Variants in ARHGAP9 observed in about 807,000 individuals in gnomAD.
ARHGAP9 encodes the protein Rho GTPase activating protein 9.
In ARHGAP9, 76 loss-of-function variants were observed where a neutral mutation model predicts 87.3. The ratio of observed to expected loss-of-function variants is 0.87; its 90% CI spans 0.72 to 1.05. ARHGAP9 has a LOEUF of 1.05. ARHGAP9 is among the 50% of genes least tolerant of loss of function. The probability of loss-of-function intolerance (pLI) is 0.00; values close to 1 mark genes in which losing one functional copy is unlikely to be tolerated. For missense variants in ARHGAP9, 941 were observed against 960.5 expected, an observed-to-expected ratio of 0.98 and a Z score of 0.27; for synonymous variants, 382 against 394.9, an observed-to-expected ratio of 0.97 and a Z score of 0.39.
chr12:57,477,458 C>A lies in ARHGAP9; in HGVS notation c.756+1G>T, dbSNP rs374352087. 1 of 1,613,920 alleles carries A rather than the reference C, an allele frequency of 6.2e-7. No individual in the cohort carries two copies. The highest frequency in any genetic ancestry group is 1.1e-5 in the South Asian group (1 of 91,050). ...TGGAGAAGCAGGAGGTAAGGTCTCA[C>A]CGTCTCGCTGCGACTGCGGCGCGGG... On this transcript the variant is annotated splice_donor_variant, in intron 4 of 17. Transcript: ENST00000393791. LOFTEE classifies it high-confidence loss of function.
At chr12:57,485,216 G>A (rs1875309363) in intron 1 of ARHGAP9, among the ~76,000 whole-genome samples, 1 of 151,852 alleles carries the variant, frequency 6.6e-6, no homozygotes. Context: ...CAAAGTGCTA[G>A]GATTACAGGC....
chr12:57,478,388 C>T (rs1364311070), intron 3 of ARHGAP9, 152 bp downstream of exon 3: 1 of 773,776 alleles, frequency 1.3e-6, no homozygotes, highest in Non-Finnish European at 2.0e-6. Context: ...CTCTCCACCA[C>T]ATTAACTTGC....
intron 2 of ARHGAP9, 43 bp downstream of exon 2, chr12:57,479,048 G>C (rs758690985): frequency 6.3e-7 from 1 of 1,592,130 alleles, no homozygotes; most frequent in South Asian, 1.1e-5. Context: ...GGAAGGTGAT[G>C]GGAGGTAGGA....
At position 57,479,170 on chromosome 12, in the gene ARHGAP9, T is replaced by C. The variant is rs779537016; in HGVS notation, c.237A>G (p.Pro79=). 2.8e-5 allele frequency: 45 copies of C among 1,614,114 alleles called. No homozygotes were observed. In the Middle Eastern group the frequency reaches 1.3e-3, roughly 47 times the overall value. The change falls in exon 2 of 18, where the codon CCA becomes CCG. Residue 79 remains proline (P), a synonymous_variant. Coordinates refer to ENST00000393791, the MANE Select transcript of ARHGAP9 (RefSeq NM_032496.4). ...TGGATTCCTCTATCATATAGGCTGC[T>C]GGGACGAAGATGGGTCGAGAGGTGG... ...APSTSRPIFV[P]AAYMIEESIP...
upstream of ARHGAP9, chr12:57,479,917 T>C: frequency 6.9e-7 from 1 of 1,442,938 alleles, no homozygotes. Flanking sequence ...AGCATCAATG[T>C]TTCCGTTACC....
intron 1 of ARHGAP9, chr12:57,488,543 C>T: frequency 6.5e-7 from 1 of 1,540,974 alleles, no homozygotes; most frequent in Non-Finnish European, 8.8e-7. Context: ...AGCCCCCAGG[C>T]ACCCTTTTGT....
chr12:57,474,514 T>C lies in ARHGAP9; in HGVS notation c.1730-38A>G, dbSNP rs78680590. Reference sequence around the variant, plus strand: ...TGAGGAGAGATCAGGAGCTAAGACATACACTTCCAGCCTGACGGCCTCTCT... The same window carrying C: ...TGAGGAGAGATCAGGAGCTAAGACACACACTTCCAGCCTGACGGCCTCTCT... On this transcript the variant is annotated intron_variant, in intron 14 of 17. Transcript: ENST00000393791. The C allele has an allele frequency of 8.1e-3, 13,092 of 1,613,822 alleles. 823 individuals are homozygous for C. The African/African-American group carries it at 0.15, about 18-fold the overall frequency.
rs1359540646 is a variant in ARHGAP9, at chr12:57,476,863, A to C, written c.963+8T>G. ...ATCTTGGCCTTCACAAAGAAATGGG[A>C]GATTCACATGGGGGTCGTCCAGGAG... On this transcript the variant is annotated splice_region_variant and intron_variant, in intron 6 of 17. Transcript: ENST00000393791. 5.0e-6 allele frequency: 8 copies of C among 1,612,228 alleles called. No homozygotes were observed. The highest frequency in any genetic ancestry group is 6.8e-6 in the Non-Finnish European group (8 of 1,178,886).
intron 1 of ARHGAP9, among the ~76,000 whole-genome samples, chr12:57,485,016 G>A (rs1364189203): frequency 6.6e-6 from 1 of 151,452 alleles, no homozygotes; most frequent in African/African-American, 2.4e-5. Context: ...CACGATCTCA[G>A]CTCACTGCAA....
At chr12:57,479,048 G>T (rs758690985) in intron 2 of ARHGAP9, 43 bp downstream of exon 2, 6 of 1,592,010 alleles carry the variant, frequency 3.8e-6, no homozygotes, top group Non-Finnish European at 4.3e-6. Flanking sequence ...GGAAGGTGAT[G>T]GGAGGTAGGA....
At position 57,479,773 on chromosome 12, in the gene ARHGAP9, G is replaced by GGGTAGTGGT; in HGVS notation, c.-71_-63dup. On this transcript the variant is annotated 5_prime_UTR_variant, in exon 1 of 18. Transcript: ENST00000393791. The stretch of plus-strand genomic sequence containing the variant: ...AGATTCAGGAGCAGGAGTTGGTCCT[G>GGGTAGTGGT]GGTAGTGGTGGGAGTCTTGAGGTGG... 6.5e-7 allele frequency: 1 copy of GGGTAGTGGT among 1,550,182 alleles called. No homozygotes were observed. Among genetic ancestry groups the GGGTAGTGGT allele is most frequent in the Non-Finnish European group, 8.7e-7 (1 of 1,146,776 alleles).
intron 10 of ARHGAP9, 68 bp downstream of exon 10, chr12:57,475,765 A>G (rs1335836980): frequency 4.4e-6 from 7 of 1,579,132 alleles, no homozygotes; most frequent in South Asian, 3.4e-5. Flanking sequence ...CCTGACTCCT[A>G]TCGTTCCTAC....
At chr12:57,475,024 G>A in intron 12 of ARHGAP9, 51 bp from the exon 13 acceptor site, 3 of 1,560,096 alleles carry the variant, frequency 1.9e-6, no homozygotes, top group Non-Finnish European at 2.6e-6. Flanking sequence ...ACTCACAGGA[G>A]CTCTTCTCAG....
In ARHGAP9 at chr12:57,476,106, C is replaced by G. The variant is rs945194378; in HGVS notation, c.1177G>C (p.Gly393Arg). 6.5e-7 allele frequency: 1 copy of G among 1,540,148 alleles called. No homozygotes were observed. Among genetic ancestry groups the G allele is most frequent in the Non-Finnish European group, 8.7e-7 (1 of 1,143,804 alleles). ...TTGCGGCGGCTGGACAGGTGGCGGC[C>G]GTGCGCCAGGGCCGCCCCGCGCAGG... ...VDLRGAALAH[G>R]RHLSSRRNVL... is the part of the protein sequence containing the mutation. The change falls in exon 9 of 18, where the codon GGC becomes CGC. Residue 393 changes from glycine (G) to arginine (R), a missense_variant. Transcript: ENST00000393791.
Position 57,474,081 on chromosome 12 carries a change from C to T in ARHGAP9, c.1879G>A (p.Val627Met), listed in dbSNP as rs773301833. 5.0e-6 allele frequency: 8 copies of T among 1,614,010 alleles called. No individual in the cohort carries two copies. Among genetic ancestry groups the T allele is most frequent in the Non-Finnish European group, 6.8e-6 (8 of 1,180,008 alleles). The change falls in exon 16 of 18, where the codon GTG becomes ATG. Residue 627 changes from valine (V) to methionine (M), a missense_variant. Coordinates refer to ENST00000393791, the MANE Select transcript of ARHGAP9 (RefSeq NM_032496.4). ...LFLRELPQPLVPPLLLPHFRA... is the reference protein window; with the variant it reads ...LFLRELPQPLMPPLLLPHFRA... ...AAATGGGGCAGCAGCAGTGGTGGCA[C>T]CAGAGGCTGGGGCAGCTCCCGGAGA...
intron 3 of ARHGAP9, chr12:57,478,185 G>T: frequency 3.2e-6 from 1 of 314,726 alleles, no homozygotes; most frequent in Non-Finnish European, 6.0e-6. Flanking sequence ...GGAGTCTGGA[G>T]GAAGGAAGAG....
intron 6 of ARHGAP9, 102 bp downstream of exon 6, chr12:57,476,769 T>C (rs1594779239): frequency 6.8e-7 from 1 of 1,472,812 alleles, no homozygotes; most frequent in African/African-American, 1.6e-5. Context: ...GAGGGCTGGG[T>C]AGGAGGATAT....
chr12:57,477,069 G>T, intron 5 of ARHGAP9, 87 bp downstream of exon 5: 1 of 1,523,470 alleles, frequency 6.6e-7, no homozygotes, highest in Non-Finnish European at 9.1e-7. Context: ...GGGGTGTGGT[G>T]GGGAATGGAG....
At chr12:57,488,460 ACTG>A in intron 1 of ARHGAP9, 1 of 1,105,548 alleles carries the variant, frequency 9.0e-7, no homozygotes, top group Non-Finnish European at 1.3e-6. Flanking sequence ...ACCCCAGTAA[ACTG>A]CTCTTCCCTT....
Sources: allele counts gnomAD v4.1 joint callset (sites outside exome capture counted in the v4.1 genomes callset), GRCh38; gene constraint gnomAD v4.1.1; transcripts MANE v1.5; gene names NCBI Gene and HGNC (gene_info 2026-07-23, HGNC 2026-07-21).